ERBB4: variants seen among roughly 807,000 people sequenced by gnomAD.
The protein encoded by ERBB4 is receptor tyrosine-protein kinase erbB-4.
A neutral mutation model predicts 158.0 loss-of-function variants in ERBB4; 42 were observed. The observed-to-expected ratio is 0.27, with a 90% confidence interval of 0.21 to 0.34. ERBB4 has a LOEUF of 0.34. ERBB4 is among the 10% of genes least tolerant of loss of function. The pLI, the probability that ERBB4 is intolerant of heterozygous loss-of-function variation, is 1.00. For missense variants in ERBB4, 1,333 were observed against 1,624.1 expected (o/e 0.82, Z 3.08); for synonymous variants, 583 against 558.7 (o/e 1.04, Z -0.61).
At chr2:211,495,044 A>C (rs987972127) in intron 20 of ERBB4, among the ~76,000 whole-genome samples, 4 of 152,128 alleles carry the variant, frequency 2.6e-5, no homozygotes, top group Admixed American at 6.5e-5. Flanking sequence ...AGAATATCTT[A>C]GTACTTGTTT....
At chr2:211,889,576 GAGA>G (rs1178596705) in intron 3 of ERBB4, among the ~76,000 whole-genome samples, 1 of 151,804 alleles carries the variant, frequency 6.6e-6, no homozygotes, top group Non-Finnish European at 1.5e-5. Context: ...GACGAGCTGA[GAGA>G]AGAAGGCTTC....
At chr2:212,202,293 T>C (rs1017696617) in intron 1 of ERBB4, among the ~76,000 whole-genome samples, 15 of 152,210 alleles carry the variant, frequency 9.9e-5, no homozygotes, top group Non-Finnish European at 2.1e-4. Flanking sequence ...ATTGAGGACC[T>C]ACTATGTATC....
At chr2:211,777,173 T>A (rs2075900213) in intron 4 of ERBB4, 1 of 152,166 alleles carries the variant, frequency 6.6e-6, no homozygotes, top group African/African-American at 2.4e-5. Context: ...CGTGAGCATC[T>A]ACTGATTAAT....
intron 24 of ERBB4, among the ~76,000 whole-genome samples, chr2:211,421,030 G>T (rs75004628): frequency 0.1 from 15,744 of 151,834 alleles, 2,046 homozygotes; most frequent in African/African-American, 0.31. Context: ...GGACCATAGG[G>T]TCTATACTTT....
At chr2:211,485,732 T>C (rs1299723076) in intron 20 of ERBB4, among the ~76,000 whole-genome samples, 1 of 140,798 alleles carries the variant, frequency 7.1e-6, no homozygotes, top group Non-Finnish European at 1.6e-5. Context: ...GGGGGAGGGA[T>C]AGCGTTAGGA....
At chr2:211,517,989 G>A (rs1351852070) in intron 20 of ERBB4, among the ~76,000 whole-genome samples, 1 of 151,954 alleles carries the variant, frequency 6.6e-6, no homozygotes, top group African/African-American at 2.4e-5. Context: ...ATTTCTGCCT[G>A]GTCTTATTGT....
chr2:211,773,328 T>C (rs949671275), intron 4 of ERBB4, among the ~76,000 whole-genome samples: 2 of 151,794 alleles, frequency 1.3e-5, no homozygotes, highest in East Asian at 3.9e-4. Context: ...TAATATTGTA[T>C]GTATGTGTGT....
At chr2:212,428,717 C>T (rs1415153050) in intron 1 of ERBB4, among the ~76,000 whole-genome samples, 1 of 152,018 alleles carries the variant, frequency 6.6e-6, no homozygotes, top group Non-Finnish European at 1.5e-5. Context: ...TAAAATAAAA[C>T]CTTAAGTCCA....
intron 1 of ERBB4, among the ~76,000 whole-genome samples, chr2:212,259,171 A>G (rs2084845498): frequency 6.6e-6 from 1 of 152,180 alleles, no homozygotes; most frequent in Admixed American, 6.6e-5. Context: ...ATGAATGTCA[A>G]TATTTTCTTT....
At chr2:212,126,644 G>A (rs2079939435) in intron 1 of ERBB4, among the ~76,000 whole-genome samples, 1 of 151,944 alleles carries the variant, frequency 6.6e-6, no homozygotes, top group African/African-American at 2.4e-5. Context: ...AAAGAAAATG[G>A]TTTGGTAAGT....
chr2:211,729,944 G>C (rs2074378200), intron 5 of ERBB4, among the ~76,000 whole-genome samples: 1 of 151,774 alleles, frequency 6.6e-6, no homozygotes, highest in South Asian at 2.1e-4. Context: ...TTTAAAACTG[G>C]GACGTTAAAC....
intron 2 of ERBB4, among the ~76,000 whole-genome samples, chr2:211,952,084 TGAAG>T (rs911392331): frequency 2.0e-5 from 3 of 152,084 alleles, no homozygotes; most frequent in Non-Finnish European, 4.4e-5. Flanking sequence ...CACATGGAAC[TGAAG>T]CATTTTAAAA....
At chr2:212,525,811 G>A (rs998359929) in intron 1 of ERBB4, among the ~76,000 whole-genome samples, 3 of 151,924 alleles carry the variant, frequency 2.0e-5, no homozygotes, top group African/African-American at 7.2e-5. Context: ...TGGCTCATCT[G>A]GCAGGTGAAT....
chr2:212,355,945 T>G (rs1174821663), intron 1 of ERBB4, among the ~76,000 whole-genome samples: 1 of 151,936 alleles, frequency 6.6e-6, no homozygotes, highest in African/African-American at 2.4e-5. Flanking sequence ...TAAGGGTAAA[T>G]TTGAAATGTG....
chr2:211,562,922 C>T (rs908915542), intron 19 of ERBB4, among the ~76,000 whole-genome samples: 1 of 151,810 alleles, frequency 6.6e-6, no homozygotes, highest in Non-Finnish European at 1.5e-5. Context: ...CAGGCGCCCG[C>T]CACTACGCCC....
intron 3 of ERBB4, among the ~76,000 whole-genome samples, chr2:211,794,939 T>G (rs2076351650): frequency 6.6e-6 from 1 of 151,908 alleles, no homozygotes; most frequent in Admixed American, 6.6e-5. Flanking sequence ...TGAAATTTAT[T>G]ACTATTTCCT....
chr2:212,241,111 G>A (rs2084086903), intron 1 of ERBB4, among the ~76,000 whole-genome samples: 1 of 151,888 alleles, frequency 6.6e-6, no homozygotes, highest in Non-Finnish European at 1.5e-5. Context: ...AGCATTCAGG[G>A]CTATGCATAC....
At chr2:211,677,286 C>T (rs12623935) in intron 13 of ERBB4, among the ~76,000 whole-genome samples, 15,448 of 152,070 alleles carry the variant, frequency 0.1, 874 homozygotes, top group East Asian at 0.21. Flanking sequence ...ACTTTCAGGC[C>T]GGGTGCAGTG....
chr2:212,204,943 C>T (rs553983555), intron 1 of ERBB4, among the ~76,000 whole-genome samples: 5 of 151,370 alleles, frequency 3.3e-5, no homozygotes, highest in South Asian at 4.2e-4. Flanking sequence ...CTCAGCCTCC[C>T]GAGTAGCTGG....
Sources: gnomAD v4.1 joint callset for allele counts (sites outside exome capture counted in the v4.1 genomes callset) on GRCh38, gnomAD v4.1.1 for gene constraint, MANE v1.5 for transcripts, NCBI Gene and HGNC (gene_info 2026-07-23, HGNC 2026-07-21) for gene names.